Variants in ZNF423 observed in about 807,000 individuals in gnomAD.
ZNF423 encodes the protein zinc finger protein 423.
A neutral mutation model predicts 95.8 loss-of-function variants in ZNF423; 12 were observed. That is an observed-to-expected ratio of 0.13 (90% CI 0.08 to 0.20). ZNF423 has a LOEUF of 0.20. Among genes scored for constraint, ZNF423 ranks in the 10% least tolerant of loss-of-function variants. The probability of loss-of-function intolerance (pLI) is 1.00; values close to 1 mark genes in which losing one functional copy is unlikely to be tolerated. For synonymous variants in ZNF423, 749 were observed against 711.9 expected, an observed-to-expected ratio of 1.05 and a Z score of -0.83; for missense variants, 1,316 against 1,737.1, an observed-to-expected ratio of 0.76 and a Z score of 4.31.
chr16:49,839,143 CG>C (rs1738975622), intron 1 of ZNF423, among the ~76,000 whole-genome samples: 1 of 151,082 alleles, frequency 6.6e-6, no homozygotes. Flanking sequence ...CCCTCCCCCG[CG>C]GTTTCTCCGT....
chr16:49,518,256 GCAGA>G (rs1237942748), intron 7 of ZNF423: 4 of 385,892 alleles, frequency 1.0e-5, no homozygotes, highest in African/African-American at 6.3e-5. Context: ...TCTTGCATGT[GCAGA>G]CAAACATACA....
chr16:49,543,153 T>C (rs1016211100), intron 5 of ZNF423, among the ~76,000 whole-genome samples: 2 of 152,186 alleles, frequency 1.3e-5, no homozygotes, highest in East Asian at 1.9e-4. Flanking sequence ...TATAAGCTTG[T>C]TAGAAACAAA....
intron 3 of ZNF423, among the ~76,000 whole-genome samples, chr16:49,682,088 C>CTCCCCT (rs1298164002): frequency 6.6e-6 from 1 of 151,888 alleles, no homozygotes; most frequent in African/African-American, 2.4e-5. Flanking sequence ...CCTGTTCCTC[C>CTCCCCT]TCCCCTTCCC....
At chr16:49,679,481 C>G (rs1408472226) in intron 3 of ZNF423, among the ~76,000 whole-genome samples, 1 of 152,254 alleles carries the variant, frequency 6.6e-6, no homozygotes, top group Non-Finnish European at 1.5e-5. Context: ...GATTTTGGAG[C>G]AAAGTTGAGG....
chr16:49,495,131 G>A (rs1596996096), intron 7 of ZNF423, among the ~76,000 whole-genome samples: 1 of 152,218 alleles, frequency 6.6e-6, no homozygotes, highest in Admixed American at 6.5e-5. Context: ...GCCTGCCAGG[G>A]AGACACAGGT....
At chr16:49,738,919 T>C (rs931816467) in intron 2 of ZNF423, among the ~76,000 whole-genome samples, 1 of 151,862 alleles carries the variant, frequency 6.6e-6, no homozygotes, top group Non-Finnish European at 1.5e-5. Context: ...ATCGGGACAC[T>C]GGGGTAGAGG....
At chr16:49,578,251 AG>A (rs953091834) in intron 5 of ZNF423, among the ~76,000 whole-genome samples, 3 of 152,296 alleles carry the variant, frequency 2.0e-5, no homozygotes, top group Admixed American at 6.5e-5. Context: ...CCAATCCCAG[AG>A]GTGGCCTCTG....
chr16:49,713,279 C>A (rs747988935), intron 3 of ZNF423, among the ~76,000 whole-genome samples: 1 of 152,232 alleles, frequency 6.6e-6, no homozygotes, highest in Non-Finnish European at 1.5e-5. Flanking sequence ...TGGGGCTGAT[C>A]TCCAAAATCT....
At chr16:49,530,115 T>C (rs960538549) in intron 5 of ZNF423, among the ~76,000 whole-genome samples, 3 of 152,190 alleles carry the variant, frequency 2.0e-5, no homozygotes, top group Non-Finnish European at 4.4e-5. Flanking sequence ...CTGGAGTAAG[T>C]TACTTTGCCT....
chr16:49,784,125 A>G (rs571804190), intron 2 of ZNF423, among the ~76,000 whole-genome samples: 4 of 152,302 alleles, frequency 2.6e-5, no homozygotes, highest in East Asian at 1.9e-4. Context: ...TGGGAATGTA[A>G]AACGCCTGGG....
At chr16:49,739,852 A>G (rs1306289464) in intron 2 of ZNF423, among the ~76,000 whole-genome samples, 1 of 150,630 alleles carries the variant, frequency 6.6e-6, no homozygotes, top group African/African-American at 2.4e-5. Flanking sequence ...ATGCACCATC[A>G]GACCCAGGTA....
chr16:49,704,618 A>G (rs1294350641), intron 3 of ZNF423, among the ~76,000 whole-genome samples: 2 of 152,218 alleles, frequency 1.3e-5, no homozygotes, highest in Non-Finnish European at 2.9e-5. Flanking sequence ...CCATGCATGC[A>G]TGCTTGAATA....
chr16:49,553,273 G>T (rs890530416), intron 5 of ZNF423, among the ~76,000 whole-genome samples: 2 of 152,028 alleles, frequency 1.3e-5, no homozygotes, highest in African/African-American at 4.8e-5. Context: ...TAATAATTAC[G>T]ACAGTTTCAA....
intron 3 of ZNF423, among the ~76,000 whole-genome samples, chr16:49,689,922 T>A (rs1394673385): frequency 6.6e-6 from 1 of 152,022 alleles, no homozygotes; most frequent in African/African-American, 2.4e-5. Context: ...ACCAGATAGC[T>A]CAATAGCCAA....
At chr16:49,712,798 T>C (rs2032586309) in intron 3 of ZNF423, among the ~76,000 whole-genome samples, 1 of 152,234 alleles carries the variant, frequency 6.6e-6, no homozygotes, top group South Asian at 2.1e-4. Flanking sequence ...TGGAAATACA[T>C]AATGAACAAA....
chr16:49,568,162 A>T (rs980608621), intron 5 of ZNF423, among the ~76,000 whole-genome samples: 5 of 152,146 alleles, frequency 3.3e-5, no homozygotes, highest in Admixed American at 6.5e-5. Context: ...TGGTTAAAAG[A>T]TGAACATGTG....
intron 6 of ZNF423, among the ~76,000 whole-genome samples, chr16:49,525,111 C>T (rs529510888): frequency 2.6e-5 from 4 of 152,214 alleles, no homozygotes; most frequent in South Asian, 2.1e-4. Context: ...GTGCAGAGGG[C>T]GAGGAGAGGG....
At position 49,805,585 on chromosome 16, in the gene ZNF423, T is replaced by G. The variant is rs1249881427; in HGVS notation, c.41-16039A>C. Among the ~76,000 whole-genome samples the G allele has an allele frequency of 2.6e-5, 4 of 152,168 alleles. No individual in the cohort carries two copies. The East Asian group carries it at 7.7e-4, about 29-fold the overall frequency. On this transcript the variant is annotated intron_variant, in intron 1 of 7. Coordinates refer to ENST00000563137, the MANE Select transcript of ZNF423 (RefSeq NM_001379286.1). ...CCAAACTTCCCAGATTGCCTGTACC[T>G]TCTCAAAATAAGGCAAAGCTCGCCA...
intron 7 of ZNF423, chr16:49,518,055 T>C: frequency 4.4e-6 from 2 of 452,144 alleles, no homozygotes; most frequent in South Asian, 3.1e-5. Flanking sequence ...CGGCTCACAA[T>C]CTGGAGGAGC....
Sources: gnomAD v4.1 joint callset for allele counts (sites outside exome capture counted in the v4.1 genomes callset) on GRCh38, gnomAD v4.1.1 for gene constraint, MANE v1.5 for transcripts, NCBI Gene and HGNC (gene_info 2026-07-23, HGNC 2026-07-21) for gene names.